The following KLHL31 variants were observed in gnomAD, a reference collection of about 807,000 sequenced individuals.
KLHL31 encodes kelch-like protein 31.
A neutral mutation model predicts 47.1 loss-of-function variants in KLHL31; 32 were observed. The observed-to-expected ratio is 0.68, with a 90% CI of 0.51 to 0.91. The LOEUF (loss-of-function observed/expected upper bound fraction) is 0.91, where lower values mean the gene tolerates loss of function less well. Among genes scored for constraint, KLHL31 ranks in the 40% least tolerant of loss-of-function variants. The pLI is 0.00. For missense variants in KLHL31, 797 were observed against 819.3 expected, an observed-to-expected ratio of 0.97 and a Z score of 0.33; for synonymous variants, 330 against 325.1, an observed-to-expected ratio of 1.01 and a Z score of -0.16.
intron 1 of KLHL31, among the ~76,000 whole-genome samples, chr6:53,659,263 T>C (rs766409054): frequency 6.6e-5 from 10 of 152,224 alleles, no homozygotes; most frequent in Non-Finnish European, 1.2e-4. Context: ...AGGGAAGATT[T>C]CTGGAATGTG....
chr6:53,656,902 C>T (rs1422988385), intron 1 of KLHL31, among the ~76,000 whole-genome samples: 1 of 147,388 alleles, frequency 6.8e-6, no homozygotes, highest in African/African-American at 2.5e-5. Flanking sequence ...AAAAGGCAAG[C>T]AACAGACTGG....
In KLHL31 at chr6:53,655,031, G is replaced by GTT. The variant is rs753600884; in HGVS notation, c.240_241dup (p.Thr81LysfsTer23). 6.2e-7 allele frequency: 1 copy of GTT among 1,614,106 alleles called. No individual in the cohort carries two copies. The highest frequency in any genetic ancestry group is 2.2e-5 in the East Asian group (1 of 44,882). ...TGACTTATGAACATCAAAGGATTTG[G>GTT]TTTTGGTACCAATGACTAAGTCACA... On this transcript the variant is annotated frameshift_variant, in exon 2 of 3. Transcript: ENST00000370905. LOFTEE classifies it high-confidence loss of function.
chr6:53,663,033 AG>A (rs556078475), intron 1 of KLHL31, among the ~76,000 whole-genome samples: 13 of 152,266 alleles, frequency 8.5e-5, no homozygotes, highest in Non-Finnish European at 1.6e-4. Flanking sequence ...CCTAAAAGGT[AG>A]GTTATATTAT....
In KLHL31 at chr6:53,654,265, G is replaced by T; in HGVS notation, c.1008C>A (p.Ile336=). The stretch of plus-strand genomic sequence containing the variant: ...ATCCATTTTCAGGGTCTCTATACAA[G>T]ATGTCTCTGCTAAGGGACTTCTCAG... ...GLTEKSLSRD[I]LYRDPENGWS... is the part of the protein sequence containing the mutation. The change falls in exon 2 of 3, where the codon ATC becomes ATA. Residue 336 remains isoleucine, a synonymous_variant. Coordinates refer to ENST00000370905, the MANE Select transcript of KLHL31 (RefSeq NM_001003760.5). The T allele has an allele frequency of 1.2e-6, 2 of 1,614,140 alleles. No individual in the cohort carries two copies. The highest frequency in any genetic ancestry group is 8.5e-7 in the Non-Finnish European group (1 of 1,180,042).
intron 1 of KLHL31, among the ~76,000 whole-genome samples, chr6:53,662,051 C>T (rs1474366179): frequency 6.6e-6 from 1 of 152,112 alleles, no homozygotes; most frequent in African/African-American, 2.4e-5. Flanking sequence ...CATCCCCAAG[C>T]TTGGTAGCCA....
Position 53,651,434 on chromosome 6 carries a change from C to T in KLHL31, c.*164G>A. 1 of 189,528 alleles carries T rather than the reference C, an allele frequency of 5.3e-6. No homozygotes were observed. Among genetic ancestry groups the T allele is most frequent in the Non-Finnish European group, 1.0e-5 (1 of 99,698 alleles). The allele number at this position is 189,528 out of a possible 1,614,324, so 11.7% of individuals were successfully genotyped here. ...AAAAAAAAAAAGAGGTAGATTATGC[C>T]ATACCAGGAATTTAAAGCCATCAGG... On this transcript the variant is annotated 3_prime_UTR_variant, in exon 3 of 3. Transcript: ENST00000370905.
intron 1 of KLHL31, among the ~76,000 whole-genome samples, chr6:53,662,960 T>C (rs1764668438): frequency 6.7e-6 from 1 of 149,538 alleles, no homozygotes; most frequent in Non-Finnish European, 1.5e-5. Flanking sequence ...GTGTACTATG[T>C]GCTGGGCCCT....
At position 53,662,959 on chromosome 6, in the gene KLHL31, GT is replaced by G. The variant is rs560637532; in HGVS notation, c.-34+2641del. ...CATTTATTGATCGAGGGTGTACTAT[GT>G]GCTGGGCCCTGGGTTAAGCACTTTA... On this transcript the variant is annotated intron_variant, in intron 1 of 2. Transcript: ENST00000370905. Among the ~76,000 whole-genome samples the G allele has an allele frequency of 6.8e-3, 1,030 of 151,716 alleles. 9 individuals are homozygous for G. Among genetic ancestry groups the G allele is most frequent in the African/African-American group, 0.023 (951 of 41,022 alleles).
At chr6:53,664,010 T>C (rs1764683688) in intron 1 of KLHL31, among the ~76,000 whole-genome samples, 1 of 152,228 alleles carries the variant, frequency 6.6e-6, no homozygotes, top group South Asian at 2.1e-4. Context: ...CTGTCAGAAT[T>C]GTCAAAATCT....
chr6:53,662,539 G>A (rs1361777095), intron 1 of KLHL31, among the ~76,000 whole-genome samples: 1 of 152,136 alleles, frequency 6.6e-6, no homozygotes, highest in Non-Finnish European at 1.5e-5. Flanking sequence ...TCTTTCTGTG[G>A]AGGAAGCCCA....
intron 1 of KLHL31, among the ~76,000 whole-genome samples, chr6:53,661,800 C>T (rs1366611014): frequency 6.6e-6 from 1 of 152,160 alleles, no homozygotes; most frequent in Non-Finnish European, 1.5e-5. Flanking sequence ...CAGTGACAGT[C>T]AAAATGTGGC....
At chr6:53,663,608 C>T (rs751153731) in intron 1 of KLHL31, among the ~76,000 whole-genome samples, 8 of 152,126 alleles carry the variant, frequency 5.3e-5, no homozygotes, top group Non-Finnish European at 1.0e-4. Context: ...AGAGGCTGTG[C>T]CTAACTTTTA....
At position 53,649,406 on chromosome 6, in the gene KLHL31, C is replaced by T. The variant is rs1392934095; in HGVS notation, c.*2192G>A. On this transcript the variant is annotated 3_prime_UTR_variant, in exon 3 of 3. Transcript: ENST00000370905. ...TGGATTTTCTGAGTCTTCAGATAAA[C>T]AATGTAGAAAATAAATTAAATGGTA... The T allele has an allele frequency of 5.3e-5, 8 of 152,062 alleles. No homozygotes were observed. The highest frequency in any genetic ancestry group is 1.9e-4 in the African/African-American group (8 of 41,428). The allele number at this position is 152,062 out of a possible 1,614,324, so 9.4% of individuals were successfully genotyped here.
Position 53,655,040 on chromosome 6 carries a change from C to T in KLHL31, c.233G>A (p.Gly78Asp). Reference protein sequence around the residue: ...QENFLCDLVIGTKTKSFDVHK... With the variant: ...QENFLCDLVIDTKTKSFDVHK... ...AACATCAAAGGATTTGGTTTTGGTA[C>T]CAATGACTAAGTCACATAGGAAGTT... The change falls in exon 2 of 3, where the codon GGT becomes GAT. Residue 78 changes from glycine (G) to aspartate (D), a missense_variant. By Grantham distance (94) the Gly-to-Asp change is moderately conservative. Coordinates refer to ENST00000370905, the MANE Select transcript of KLHL31 (RefSeq NM_001003760.5). 6.2e-7 allele frequency: 1 copy of T among 1,614,094 alleles called. No individual in the cohort carries two copies. The highest frequency in any genetic ancestry group is 8.5e-7 in the Non-Finnish European group (1 of 1,180,012).
rs1764474149 is a variant in KLHL31 at position 53,651,859 on chromosome 6, C to T, written c.1644G>A (p.Ala548=). 5.0e-6 allele frequency: 8 copies of T among 1,603,862 alleles called. No individual in the cohort carries two copies. Among genetic ancestry groups the T allele is most frequent in the Non-Finnish European group, 6.8e-6 (8 of 1,178,724 alleles). The change falls in exon 3 of 3, where the codon GCG becomes GCA. Residue 548 remains alanine, a synonymous_variant. Coordinates refer to ENST00000370905, the MANE Select transcript of KLHL31 (RefSeq NM_001003760.5). ...YSPATGQWSY[A]APLQVGVSTA... The stretch of plus-strand genomic sequence containing the variant: ...TGCTCACTCCCACCTGCAGCGGCGC[C>T]GCGTAGCTCCACTGGCCGGTCGCGG...
At position 53,654,854 on chromosome 6, in the gene KLHL31, A is replaced by G. The variant is rs756657051; in HGVS notation, c.419T>C (p.Ile140Thr). The change falls in exon 2 of 3, where the codon ATA becomes ACA. Residue 140 changes from isoleucine (I) to threonine (T), a missense_variant. Ile to Thr is a moderately conservative substitution (Grantham distance 89, BLOSUM62 -1). Transcript: ENST00000370905. Reference sequence around the variant, plus strand: ...AACAGCAGCAGAAATAATGCTTCCTATTGTATACAAGGAGAGAGTGAGCTT... The same window carrying G: ...AACAGCAGCAGAAATAATGCTTCCTGTTGTATACAAGGAGAGAGTGAGCTT... ...TGKLTLSLYT[I>T]GSIISAAVYL... The G allele has an allele frequency of 3.7e-6, 6 of 1,614,062 alleles. No homozygotes were observed. Among genetic ancestry groups the G allele is most frequent in the East Asian group, 4.5e-5 (2 of 44,896 alleles).
At chr6:53,659,094 G>T (rs1241527561) in intron 1 of KLHL31, among the ~76,000 whole-genome samples, 7 of 152,304 alleles carry the variant, frequency 4.6e-5, no homozygotes, top group African/African-American at 1.7e-4. Context: ...AATAGCCTTT[G>T]TTAGTTGTCT....
chr6:53,654,513 G>T lies in KLHL31; in HGVS notation c.760C>A (p.Leu254Ile), dbSNP rs1057115622. ...GTACCAAAGCGAATATTGCTCAAAA[G>T]ATCTGCAGCGTATTTTACTCTCTTT... ...DQKRVKYAAD[L>I]LSNIRFGTIS... The change falls in exon 2 of 3, where the codon CTT becomes ATT. Residue 254 changes from leucine to isoleucine, a missense_variant. Coordinates refer to ENST00000370905, the MANE Select transcript of KLHL31 (RefSeq NM_001003760.5). The T allele has an allele frequency of 1.1e-5, 18 of 1,614,064 alleles. No homozygotes were observed. Among genetic ancestry groups the T allele is most frequent in the Non-Finnish European group, 1.5e-5 (18 of 1,180,046 alleles).
chr6:53,663,646 T>A (rs74734238), intron 1 of KLHL31, among the ~76,000 whole-genome samples: 8,090 of 152,328 alleles, frequency 0.053, 289 homozygotes, highest in East Asian at 0.091. Context: ...CTCTATGCAC[T>A]AAGTTAACTA....
Sources: allele counts gnomAD v4.1 joint callset (sites outside exome capture counted in the v4.1 genomes callset), GRCh38; gene constraint gnomAD v4.1.1; transcripts MANE v1.5; gene names NCBI Gene and HGNC (gene_info 2026-07-23, HGNC 2026-07-21).